AKAP6: variants seen among roughly 807,000 people sequenced by gnomAD.
AKAP6 encodes the protein A-kinase anchoring protein 6.
In AKAP6, 58 loss-of-function variants were observed where a neutral mutation model predicts 188.5. The ratio of observed to expected loss-of-function variants is 0.31; its 90% CI spans 0.25 to 0.38. AKAP6 has a LOEUF of 0.38. Among genes scored for constraint, AKAP6 ranks in the 10% least tolerant of loss-of-function variants. The probability of loss-of-function intolerance (pLI) is 1.00; values close to 1 mark genes in which losing one functional copy is unlikely to be tolerated. For synonymous variants in AKAP6, 989 were observed against 998.6 expected (o/e 0.99, Z 0.18); for missense variants, 2,710 against 2,740.0 (o/e 0.99, Z 0.24).
intron 7 of AKAP6, among the ~76,000 whole-genome samples, chr14:32,608,974 A>G (rs1219864565): frequency 1.3e-5 from 2 of 152,230 alleles, no homozygotes; most frequent in South Asian, 2.1e-4. Flanking sequence ...TAATAAGTAA[A>G]TTCTTTGAAA....
intron 2 of AKAP6, among the ~76,000 whole-genome samples, chr14:32,471,657 C>T (rs1190969612): frequency 6.6e-6 from 1 of 151,820 alleles, no homozygotes; most frequent in Non-Finnish European, 1.5e-5. Context: ...GAATCCTGTA[C>T]CCCCCACCAG....
At chr14:32,339,162 GT>G (rs1886814039) in intron 1 of AKAP6, among the ~76,000 whole-genome samples, 2 of 152,070 alleles carry the variant, frequency 1.3e-5, no homozygotes, top group Non-Finnish European at 2.9e-5. Flanking sequence ...GTTCATTGAT[GT>G]TTCCTTAGCT....
At chr14:32,408,433 AGG>A (rs1481200750) in intron 1 of AKAP6, among the ~76,000 whole-genome samples, 1 of 151,494 alleles carries the variant, frequency 6.6e-6, no homozygotes, top group Non-Finnish European at 1.5e-5. Context: ...TTGTACAAAA[AGG>A]TTTTCAGTGT....
chr14:32,592,641 C>T (rs1301327615), intron 5 of AKAP6, among the ~76,000 whole-genome samples: 3 of 152,180 alleles, frequency 2.0e-5, no homozygotes, highest in Non-Finnish European at 4.4e-5. Context: ...GTCTTATTCT[C>T]TACCCTGGCA....
intron 8 of AKAP6, among the ~76,000 whole-genome samples, chr14:32,682,944 A>G (rs1483951695): frequency 6.6e-6 from 1 of 151,512 alleles, no homozygotes; most frequent in East Asian, 1.9e-4. Context: ...GAGACCAGCA[A>G]TCTTTGTTTA....
intron 4 of AKAP6, among the ~76,000 whole-genome samples, chr14:32,552,650 A>G (rs989168109): frequency 1.3e-5 from 2 of 152,354 alleles, no homozygotes; most frequent in East Asian, 3.9e-4. Context: ...GTAAAAAACA[A>G]TCATTCCTAA....
intron 12 of AKAP6, among the ~76,000 whole-genome samples, chr14:32,794,937 C>G (rs1042919195): frequency 4.6e-5 from 7 of 151,928 alleles, no homozygotes; most frequent in African/African-American, 1.7e-4. Flanking sequence ...TACACACAAT[C>G]AGAAATGATA....
intron 1 of AKAP6, among the ~76,000 whole-genome samples, chr14:32,374,501 G>A (rs1000822539): frequency 6.6e-6 from 1 of 152,130 alleles, no homozygotes; most frequent in Non-Finnish European, 1.5e-5. Flanking sequence ...CATTCCATTT[G>A]GTTAGAACAT....
At chr14:32,416,617 C>T (rs1889665770) in intron 1 of AKAP6, among the ~76,000 whole-genome samples, 2 of 151,860 alleles carry the variant, frequency 1.3e-5, no homozygotes, top group South Asian at 4.2e-4. Flanking sequence ...TGCAGTGATG[C>T]AATCTTGGCT....
At chr14:32,360,776 T>C (rs992877320) in intron 1 of AKAP6, among the ~76,000 whole-genome samples, 5 of 150,374 alleles carry the variant, frequency 3.3e-5, no homozygotes, top group African/African-American at 1.2e-4. Context: ...GACATGGTTT[T>C]GCCCTCTTAC....
chr14:32,641,836 G>A (rs72642565), intron 7 of AKAP6, among the ~76,000 whole-genome samples: 13,062 of 152,098 alleles, frequency 0.086, 1,153 homozygotes, highest in East Asian at 0.51. Flanking sequence ...AGGGGAACAC[G>A]TTTTTAGGGG....
At chr14:32,710,198 A>C (rs768795752) in intron 9 of AKAP6, among the ~76,000 whole-genome samples, 67 of 7,846 alleles carry the variant, frequency 8.5e-3, no homozygotes, top group Non-Finnish European at 0.015. Context: ...AAATGGACCC[A>C]AAAAAAAAAA....
At chr14:32,778,570 G>A (rs186856531) in intron 12 of AKAP6, among the ~76,000 whole-genome samples, 17 of 151,774 alleles carry the variant, frequency 1.1e-4, no homozygotes, top group African/African-American at 2.9e-4. Context: ...TTTTAGATAC[G>A]GGGTCTTACT....
chr14:32,670,796 G>A (rs1284901596), intron 7 of AKAP6, among the ~76,000 whole-genome samples: 1 of 151,438 alleles, frequency 6.6e-6, no homozygotes, highest in Admixed American at 6.6e-5. Flanking sequence ...TTCTGTCAAA[G>A]AAAAAAGTCT....
chr14:32,813,395 C>CCCT (rs1555365146), intron 12 of AKAP6, among the ~76,000 whole-genome samples: 3 of 119,562 alleles, frequency 2.5e-5, no homozygotes, highest in African/African-American at 1.0e-4. Flanking sequence ...CCCTACCCCC[C>CCCT]CCCCCAACCC....
At chr14:32,689,316 A>G (rs1351443617) in intron 8 of AKAP6, among the ~76,000 whole-genome samples, 1 of 152,118 alleles carries the variant, frequency 6.6e-6, no homozygotes, top group Non-Finnish European at 1.5e-5. Context: ...TTAATGGATT[A>G]TCTTGGTGCT....
intron 2 of AKAP6, among the ~76,000 whole-genome samples, chr14:32,473,541 GGAA>G (rs1355431833): frequency 1.3e-5 from 2 of 152,186 alleles, no homozygotes; most frequent in Non-Finnish European, 2.9e-5. Context: ...AAGAGAGAAA[GGAA>G]GAAGAGCTTG....
At position 32,471,436 on chromosome 14, in the gene AKAP6, C is replaced by T. The variant is rs568164415; in HGVS notation, c.324+37619C>T. ...GTAATAAGAAATTGTGGACCAAAAG[C>T]AAGATCATAGTGCTACTTCCTAAAC... On this transcript the variant is annotated intron_variant, in intron 2 of 13. Transcript: ENST00000280979. Among the ~76,000 whole-genome samples, 10 of 152,312 alleles carry T rather than the reference C, an allele frequency of 6.6e-5. No individual in the cohort carries two copies. In the South Asian group the frequency reaches 2.1e-3, roughly 32 times the overall value.
At chr14:32,383,945 T>TA (rs1223167606) in intron 1 of AKAP6, among the ~76,000 whole-genome samples, 1 of 152,192 alleles carries the variant, frequency 6.6e-6, no homozygotes, top group Admixed American at 6.5e-5. Flanking sequence ...CTTGAGAACT[T>TA]AAAGTTCTGA....
Sources: allele counts gnomAD v4.1 joint callset (sites outside exome capture counted in the v4.1 genomes callset), GRCh38; gene constraint gnomAD v4.1.1; transcripts MANE v1.5; gene names NCBI Gene and HGNC (gene_info 2026-07-23, HGNC 2026-07-21).